The following ST7 variants were observed in gnomAD, a reference collection of about 807,000 sequenced individuals.
ST7 encodes the protein suppression of tumorigenicity 7.
A neutral mutation model predicts 78.7 loss-of-function variants in ST7; 28 were observed. The ratio of observed to expected loss-of-function variants is 0.36; its 90% confidence interval spans 0.26 to 0.49. ST7 has a LOEUF of 0.49. Among genes scored for constraint, ST7 ranks in the 20% least tolerant of loss-of-function variants. The pLI is 0.99. For synonymous variants in ST7, 247 were observed against 249.6 expected, an observed-to-expected ratio of 0.99 and a Z score of 0.10; for missense variants, 418 against 696.0, an observed-to-expected ratio of 0.60 and a Z score of 4.49.
At position 117,222,910 on chromosome 7, in the gene ST7, G is replaced by A. The variant is rs568343510; in HGVS notation, c.1638+848G>A. 4.0e-5 allele frequency: 64 copies of A among 1,614,162 alleles called. 1 individual carries two copies. The South Asian group carries it at 5.9e-4, about 15-fold the overall frequency. On this transcript the variant is annotated intron_variant, in intron 15 of 15. Coordinates refer to ENST00000323984, the MANE Select transcript of ST7 (RefSeq NM_001369598.1). ...GAGTTCAGGGACTGGAATTGCAAGA[G>A]TATTTTCATGCGTGTTGAAGATGAA...
rs557726313 is a variant in ST7 at position 117,082,985 on chromosome 7, T to G, written c.152-16777T>G. On this transcript the variant is annotated intron_variant, in intron 1 of 15. Coordinates refer to ENST00000323984, the MANE Select transcript of ST7 (RefSeq NM_001369598.1). ...CATACATATCTAGTGACAGGATGTATTTCAGCACAGTTTAGGAATTGGTCA... is the reference window on the plus strand; with the variant it reads ...CATACATATCTAGTGACAGGATGTAGTTCAGCACAGTTTAGGAATTGGTCA... Among the ~76,000 whole-genome samples, 6 of 152,370 alleles carry G rather than the reference T, an allele frequency of 3.9e-5. No homozygotes were observed. In the East Asian group the frequency reaches 1.2e-3, roughly 29 times the overall value.
rs1008542951 is a variant in ST7, at chr7:117,082,886, G to A, written c.152-16876G>A. Among the ~76,000 whole-genome samples the A allele has an allele frequency of 3.3e-5, 5 of 152,288 alleles. No individual in the cohort carries two copies. In the Middle Eastern group the frequency reaches 0.01, roughly 311 times the overall value. The stretch of plus-strand genomic sequence containing the variant: ...ACAGGCAGTGGGCTGGATTTTGCCT[G>A]CAGACTGCATTTTCCTATCCCTGAT... On this transcript the variant is annotated intron_variant, in intron 1 of 15. Coordinates refer to ENST00000323984, the MANE Select transcript of ST7 (RefSeq NM_001369598.1).
chr7:116,983,429 A>G (rs753281598), intron 1 of ST7, among the ~76,000 whole-genome samples: 1 of 151,968 alleles, frequency 6.6e-6, no homozygotes, highest in Non-Finnish European at 1.5e-5. Flanking sequence ...TCTGGCTCTG[A>G]TATCACATGC....
intron 10 of ST7, among the ~76,000 whole-genome samples, chr7:117,188,594 G>A (rs1334411229): frequency 6.6e-6 from 1 of 152,028 alleles, no homozygotes; most frequent in Non-Finnish European, 1.5e-5. Flanking sequence ...ACCCACCCTG[G>A]CCCTTCTGAA....
chr7:117,022,196 GT>G (rs1795954508), intron 1 of ST7, among the ~76,000 whole-genome samples: 1 of 152,148 alleles, frequency 6.6e-6, no homozygotes, highest in African/African-American at 2.4e-5. Flanking sequence ...CTGGTTGCTT[GT>G]GCCCTCCATA....
At chr7:117,113,770 G>A (rs916255821) in intron 2 of ST7, among the ~76,000 whole-genome samples, 2 of 152,152 alleles carry the variant, frequency 1.3e-5, no homozygotes, top group African/African-American at 4.8e-5. Context: ...TAAAATGATA[G>A]ATTCTGAGCA....
intron 1 of ST7, among the ~76,000 whole-genome samples, chr7:117,057,915 G>C (rs1229310078): frequency 6.6e-6 from 1 of 152,084 alleles, no homozygotes; most frequent in Non-Finnish European, 1.5e-5. Flanking sequence ...GGTAGTTATA[G>C]TAATCCTACC....
At chr7:117,073,242 A>G (rs530968436) in intron 1 of ST7, 1 of 152,362 alleles carries the variant, frequency 6.6e-6, no homozygotes, top group South Asian at 2.1e-4. Flanking sequence ...TACACAATCT[A>G]GTACTGTGGA....
At chr7:117,140,808 A>G (rs1805222404) in intron 9 of ST7, among the ~76,000 whole-genome samples, 1 of 152,168 alleles carries the variant, frequency 6.6e-6, no homozygotes, top group Non-Finnish European at 1.5e-5. Flanking sequence ...CTGGTATAAC[A>G]GTCCTGTAAG....
intron 1 of ST7, among the ~76,000 whole-genome samples, chr7:117,031,229 C>A (rs926485879): frequency 1.3e-5 from 2 of 150,802 alleles, no homozygotes; most frequent in Admixed American, 6.6e-5. Context: ...AAAAAAAAAA[C>A]CCACAAAAAA....
chr7:117,213,776 G>A (rs1309119445), intron 13 of ST7, among the ~76,000 whole-genome samples: 2 of 152,150 alleles, frequency 1.3e-5, no homozygotes, highest in Non-Finnish European at 2.9e-5. Flanking sequence ...AATTAAGAAA[G>A]GGCAAGAGTT....
chr7:117,169,497 C>T (rs1239959943), intron 9 of ST7, among the ~76,000 whole-genome samples: 2 of 152,124 alleles, frequency 1.3e-5, no homozygotes, highest in African/African-American at 4.8e-5. Context: ...TCTTCTTTCT[C>T]TTTGCTTCCC....
chr7:116,966,814 G>T (rs560218170), intron 1 of ST7, among the ~76,000 whole-genome samples: 5 of 152,188 alleles, frequency 3.3e-5, no homozygotes, highest in South Asian at 2.1e-4. Flanking sequence ...ATTGAAAGCA[G>T]CTCCCTTCTA....
chr7:117,020,694 T>G, intron 1 of ST7: 2 of 1,545,488 alleles, frequency 1.3e-6, no homozygotes, highest in Non-Finnish European at 1.7e-6. Flanking sequence ...TTTCATTGGC[T>G]TAGAGTTCAT....
intron 10 of ST7, among the ~76,000 whole-genome samples, chr7:117,176,954 C>G (rs1472763894): frequency 6.6e-6 from 1 of 152,118 alleles, no homozygotes; most frequent in African/African-American, 2.4e-5. Context: ...CTCGCTGTTA[C>G]GGAAAAGATC....
At chr7:117,008,931 A>G (rs1218794208) in intron 1 of ST7, among the ~76,000 whole-genome samples, 1 of 152,162 alleles carries the variant, frequency 6.6e-6, no homozygotes, top group Non-Finnish European at 1.5e-5. Flanking sequence ...ATACGTCATG[A>G]TATGTGAACA....
chr7:117,030,079 G>C (rs1402403532), intron 1 of ST7, among the ~76,000 whole-genome samples: 1 of 152,118 alleles, frequency 6.6e-6, no homozygotes, highest in Non-Finnish European at 1.5e-5. Flanking sequence ...TTTTGATTGA[G>C]AGTATATTTA....
chr7:116,973,122 T>C (rs1793517148), intron 1 of ST7, among the ~76,000 whole-genome samples: 1 of 152,132 alleles, frequency 6.6e-6, no homozygotes, highest in Admixed American at 6.5e-5. Flanking sequence ...TCGAGAGCTC[T>C]GCTGCTTGGC....
At chr7:117,108,040 G>C (rs1390913678) in intron 2 of ST7, among the ~76,000 whole-genome samples, 1 of 152,068 alleles carries the variant, frequency 6.6e-6, no homozygotes, top group East Asian at 1.9e-4. Flanking sequence ...TCTGTGGGGT[G>C]TCTGTTAATT....
Sources: gnomAD v4.1 joint callset for allele counts (sites outside exome capture counted in the v4.1 genomes callset) on GRCh38, gnomAD v4.1.1 for gene constraint, MANE v1.5 for transcripts, NCBI Gene and HGNC (gene_info 2026-07-23, HGNC 2026-07-21) for gene names.